Variants in ARL15 observed in about 807,000 individuals in gnomAD.
ARL15 encodes the protein ARF like GTPase 15, also known as ADP-ribosylation factor-like protein 15.
A neutral mutation model predicts 25.2 loss-of-function variants in ARL15; 19 were observed. That is an observed-to-expected ratio of 0.75 (90% CI 0.53 to 1.10). The LOEUF is 1.10. Among genes scored for constraint, ARL15 ranks in the 50% least tolerant of loss-of-function variants. The pLI is 0.00. For missense variants in ARL15, 220 were observed against 246.0 expected (o/e 0.89, Z 0.71); for synonymous variants, 94 against 86.8 (o/e 1.08, Z -0.46).
At chr5:54,142,367 T>C (rs1464137754) in intron 3 of ARL15, among the ~76,000 whole-genome samples, 1 of 152,122 alleles carries the variant, frequency 6.6e-6, no homozygotes, top group Non-Finnish European at 1.5e-5. Context: ...GGGGAGTTTG[T>C]CTAATGACAA....
intron 4 of ARL15, among the ~76,000 whole-genome samples, chr5:54,090,427 C>CAA (rs1201384300): frequency 2.5e-5 from 3 of 118,300 alleles, no homozygotes; most frequent in East Asian, 2.5e-4. Flanking sequence ...TATTGAAAAG[C>CAA]AAAAAAAAAG....
At chr5:54,108,166 TTTA>T (rs1752643258) in intron 4 of ARL15, among the ~76,000 whole-genome samples, 1 of 152,138 alleles carries the variant, frequency 6.6e-6, no homozygotes, top group Non-Finnish European at 1.5e-5. Flanking sequence ...TTCAGAAATA[TTTA>T]TTTCTCTTGA....
chr5:54,073,343 C>G (rs1751482736), intron 4 of ARL15, among the ~76,000 whole-genome samples: 1 of 152,172 alleles, frequency 6.6e-6, no homozygotes, highest in Admixed American at 6.5e-5. Context: ...CGTAAGACAG[C>G]AAACAGGTGA....
At position 54,186,011 on chromosome 5, in the gene ARL15, T is replaced by G. The variant is rs115311061; in HGVS notation, c.49-14083A>C. Among the ~76,000 whole-genome samples the G allele has an allele frequency of 1.0e-2, 1,521 of 152,244 alleles. 23 individuals carry two copies. Among genetic ancestry groups the G allele is most frequent in the African/African-American group, 0.035 (1,466 of 41,562 alleles). Reference sequence around the variant, plus strand: ...AATTAAAAGCTCGTAGTATGACATATAGTGGGACAATCGTTGGATTATTTT... The same window carrying G: ...AATTAAAAGCTCGTAGTATGACATAGAGTGGGACAATCGTTGGATTATTTT... On this transcript the variant is annotated intron_variant, in intron 1 of 4. Transcript: ENST00000504924.
At chr5:54,097,187 C>T (rs1324076980) in intron 4 of ARL15, among the ~76,000 whole-genome samples, 1 of 152,132 alleles carries the variant, frequency 6.6e-6, no homozygotes, top group African/African-American at 2.4e-5. Context: ...TTTGATGGCA[C>T]ACACCTGTAG....
At chr5:53,980,495 C>G (rs1434329130) in intron 4 of ARL15, among the ~76,000 whole-genome samples, 1 of 152,176 alleles carries the variant, frequency 6.6e-6, no homozygotes, top group Non-Finnish European at 1.5e-5. Context: ...ACCCAGAATA[C>G]AAACACAGTT....
intron 4 of ARL15, among the ~76,000 whole-genome samples, chr5:53,995,538 A>G (rs1358285024): frequency 2.6e-5 from 4 of 152,210 alleles, no homozygotes; most frequent in Admixed American, 2.6e-4. Context: ...TGAGTGTCCA[A>G]TGTCAGAAAA....
chr5:53,943,378 A>T (rs1746611051), intron 4 of ARL15, among the ~76,000 whole-genome samples: 1 of 152,124 alleles, frequency 6.6e-6, no homozygotes, highest in Non-Finnish European at 1.5e-5. Flanking sequence ...TCCACTGAGA[A>T]GGTGGAAGGG....
chr5:53,893,371 C>G (rs1744780153), intron 4 of ARL15, among the ~76,000 whole-genome samples: 1 of 152,072 alleles, frequency 6.6e-6, no homozygotes, highest in Admixed American at 6.5e-5. Context: ...CTTTGGGAGG[C>G]AGAGGTGGGC....
chr5:54,287,314 G>A (rs1037150744), intron 1 of ARL15, among the ~76,000 whole-genome samples: 1 of 151,992 alleles, frequency 6.6e-6, no homozygotes, highest in Non-Finnish European at 1.5e-5. Context: ...CCAGACAAGT[G>A]CAATGTAAAT....
chr5:54,143,996 T>G (rs191571705), intron 3 of ARL15, among the ~76,000 whole-genome samples: 97 of 152,196 alleles, frequency 6.4e-4, no homozygotes, highest in African/African-American at 2.3e-3. Context: ...TAATATACTT[T>G]TATGCTTGTT....
chr5:54,003,658 TTCTTTCTATCTA>T (rs747855998), intron 4 of ARL15, among the ~76,000 whole-genome samples: 73 of 134,104 alleles, frequency 5.4e-4, no homozygotes, highest in Middle Eastern at 3.7e-3. Context: ...AGAAAATATT[TTCTTTCTATCTA>T]TCTATCTATC....
intron 3 of ARL15, among the ~76,000 whole-genome samples, chr5:54,134,568 C>CTTTTTTTTTTT (rs5867914): frequency 3.9e-5 from 2 of 51,796 alleles, no homozygotes; most frequent in Non-Finnish European, 6.8e-5. Flanking sequence ...GAATGATTAG[C>CTTTTTTTTTTT]TTTTTTTTTT....
intron 4 of ARL15, among the ~76,000 whole-genome samples, chr5:54,057,262 T>A (rs1750907236): frequency 6.6e-6 from 1 of 152,200 alleles, no homozygotes; most frequent in African/African-American, 2.4e-5. Context: ...TTTTAAACTT[T>A]CTAGTATTTT....
chr5:54,135,782 T>C (rs1167362785), intron 3 of ARL15, among the ~76,000 whole-genome samples: 1 of 152,214 alleles, frequency 6.6e-6, no homozygotes, highest in East Asian at 1.9e-4. Context: ...GAGCAAGAAA[T>C]GTCTGATTTA....
At chr5:54,041,195 A>G (rs1579728759) in intron 4 of ARL15, among the ~76,000 whole-genome samples, 2 of 152,362 alleles carry the variant, frequency 1.3e-5, no homozygotes, top group South Asian at 4.1e-4. Flanking sequence ...ATATAAATTG[A>G]AAATCTATTT....
intron 4 of ARL15, among the ~76,000 whole-genome samples, chr5:54,085,622 C>T (rs377610374): frequency 1.3e-5 from 2 of 152,266 alleles, no homozygotes; most frequent in South Asian, 4.1e-4. Flanking sequence ...GGCAATTGTA[C>T]ATAAAATATT....
chr5:54,021,998 G>A (rs1304078744), intron 4 of ARL15, among the ~76,000 whole-genome samples: 1 of 152,158 alleles, frequency 6.6e-6, no homozygotes, highest in Non-Finnish European at 1.5e-5. Flanking sequence ...ATTTTCAAGT[G>A]CTGAAAGAAA....
chr5:54,305,062 A>G (rs1758720855), intron 1 of ARL15, among the ~76,000 whole-genome samples: 1 of 152,158 alleles, frequency 6.6e-6, no homozygotes, highest in Admixed American at 6.5e-5. Context: ...GATCAACCCA[A>G]TTCTCTCACC....
Sources: allele counts gnomAD v4.1 joint callset (sites outside exome capture counted in the v4.1 genomes callset), GRCh38; gene constraint gnomAD v4.1.1; transcripts MANE v1.5; gene names NCBI Gene and HGNC (gene_info 2026-07-23, HGNC 2026-07-21).